SGCD: variants seen among roughly 807,000 people sequenced by gnomAD.
The protein encoded by SGCD is sarcoglycan delta, also known as delta-sarcoglycan.
SGCD carries 18 observed loss-of-function variants against 36.6 expected under a neutral mutation model. The ratio of observed to expected loss-of-function variants is 0.49; its 90% CI spans 0.34 to 0.73. The LOEUF (loss-of-function observed/expected upper bound fraction) is 0.73, where lower values mean the gene tolerates loss of function less well. Among genes scored for constraint, SGCD ranks in the 30% least tolerant of loss-of-function variants. The probability of loss-of-function intolerance (pLI) is 0.01; values close to 1 mark genes in which losing one functional copy is unlikely to be tolerated. For synonymous variants in SGCD, 133 were observed against 130.6 expected (o/e 1.02, Z -0.12); for missense variants, 387 against 346.7 (o/e 1.12, Z -0.92).
chr5:155,729,447 G>A, the SGCD span, among the ~76,000 whole-genome samples: 3 of 152,268 alleles, frequency 2.0e-5, no homozygotes, highest in Non-Finnish European at 4.4e-5. Flanking sequence ...CAGAGAAAGA[G>A]ACAGAGAGAC....
chr5:156,652,090 C>T (rs965633036), intron 7 of SGCD, among the ~76,000 whole-genome samples: 9 of 152,152 alleles, frequency 5.9e-5, no homozygotes, highest in African/African-American at 2.2e-4. Context: ...TATAGAAATG[C>T]TATTGATTTT....
At chr5:155,757,549 C>T in the SGCD span, among the ~76,000 whole-genome samples, 2 of 152,230 alleles carry the variant, frequency 1.3e-5, no homozygotes, top group South Asian at 2.1e-4. Context: ...GCAGGATGAT[C>T]GACCCAAGGG....
chr5:156,580,971 G>A (rs994409822), intron 4 of SGCD, among the ~76,000 whole-genome samples: 3 of 152,302 alleles, frequency 2.0e-5, no homozygotes, highest in African/African-American at 7.2e-5. Context: ...TCCTTTGGAG[G>A]AGAAGAGGTG....
chr5:156,240,496 A>G (rs1160459973), intron 3 of SGCD, among the ~76,000 whole-genome samples: 3 of 152,142 alleles, frequency 2.0e-5, no homozygotes, highest in African/African-American at 7.2e-5. Context: ...TAAAAACAAG[A>G]TATAGTTCAG....
chr5:156,368,838 G>A (rs1203124204), intron 3 of SGCD, among the ~76,000 whole-genome samples: 1 of 152,054 alleles, frequency 6.6e-6, no homozygotes, highest in Non-Finnish European at 1.5e-5. Flanking sequence ...ACAAGCTCAG[G>A]GCTCCCACTG....
chr5:156,686,398 T>C (rs1753905746), intron 7 of SGCD, among the ~76,000 whole-genome samples: 1 of 152,200 alleles, frequency 6.6e-6, no homozygotes, highest in Non-Finnish European at 1.5e-5. Flanking sequence ...GCAAAGCCAC[T>C]GTTCTCCTAC....
chr5:156,557,489 C>T (rs1436369345), intron 4 of SGCD, among the ~76,000 whole-genome samples: 1 of 152,076 alleles, frequency 6.6e-6, no homozygotes, highest in Non-Finnish European at 1.5e-5. Context: ...GGCTGTGGAC[C>T]AAATTCAGCC....
chr5:156,703,100 G>T (rs1343754823), intron 7 of SGCD, among the ~76,000 whole-genome samples: 2 of 152,210 alleles, frequency 1.3e-5, no homozygotes, highest in Non-Finnish European at 2.9e-5. Flanking sequence ...ACATGATGTT[G>T]CTTGCAATGC....
chr5:155,965,782 G>T (rs1260878255), intron 1 of SGCD, among the ~76,000 whole-genome samples: 1 of 152,016 alleles, frequency 6.6e-6, no homozygotes, highest in East Asian at 1.9e-4. Flanking sequence ...AATACGAAGG[G>T]CTCTAAAAGC....
At chr5:156,177,137 G>C (rs568780914) in intron 3 of SGCD, among the ~76,000 whole-genome samples, 2 of 152,166 alleles carry the variant, frequency 1.3e-5, no homozygotes, top group East Asian at 3.9e-4. Flanking sequence ...GAGTAGCTGG[G>C]ACTACAGGTA....
intron 6 of SGCD, among the ~76,000 whole-genome samples, chr5:156,643,831 G>A (rs1763130207): frequency 2.0e-5 from 3 of 151,868 alleles, no homozygotes. Flanking sequence ...TTATCATTCA[G>A]GTTATATATA....
At chr5:155,779,649 A>C in the SGCD span, among the ~76,000 whole-genome samples, 5 of 152,072 alleles carry the variant, frequency 3.3e-5, no homozygotes, top group Admixed American at 3.3e-4. Context: ...AATCTATGTG[A>C]GAAACTTTGT....
the SGCD span, among the ~76,000 whole-genome samples, chr5:155,808,893 A>G: frequency 5.3e-5 from 8 of 152,240 alleles, no homozygotes; most frequent in Non-Finnish European, 1.0e-4. Context: ...CTAGGTTTTT[A>G]ATGACGTGGT....
At chr5:155,962,610 A>C (rs1169204679) in intron 1 of SGCD, among the ~76,000 whole-genome samples, 1 of 152,128 alleles carries the variant, frequency 6.6e-6, no homozygotes. Context: ...GAGTGTGGCA[A>C]GACTGAAATA....
At chr5:156,107,497 T>C (rs1288997330) in intron 1 of SGCD, among the ~76,000 whole-genome samples, 1 of 152,170 alleles carries the variant, frequency 6.6e-6, no homozygotes, top group African/African-American at 2.4e-5. Context: ...AAAATATGCA[T>C]ATTGTTCTCT....
chr5:156,251,433 A>T (rs1335238815), intron 3 of SGCD, among the ~76,000 whole-genome samples: 2 of 152,174 alleles, frequency 1.3e-5, no homozygotes, highest in Non-Finnish European at 2.9e-5. Context: ...TGTGGATTTT[A>T]TACTCATAAA....
intron 3 of SGCD, among the ~76,000 whole-genome samples, chr5:156,144,208 G>A (rs10476299): frequency 0.049 from 7,385 of 152,064 alleles, 436 homozygotes; most frequent in East Asian, 0.14. Context: ...ACGTGTCCAT[G>A]TGTCTTTATA....
chr5:156,141,961 G>A (rs2127610715), intron 3 of SGCD, among the ~76,000 whole-genome samples: 1 of 152,272 alleles, frequency 6.6e-6, no homozygotes, highest in East Asian at 1.9e-4. Flanking sequence ...AGCCTGATAT[G>A]GTTTGGATCT....
At chr5:156,185,212 C>CT (rs755578762) in intron 3 of SGCD, among the ~76,000 whole-genome samples, 1,625 of 113,182 alleles carry the variant, frequency 0.014, 62 homozygotes, top group Admixed American at 0.088. Context: ...CTTTAATTTT[C>CT]TTTTTTTTTT....
Sources: allele counts gnomAD v4.1 joint callset (sites outside exome capture counted in the v4.1 genomes callset), GRCh38; gene constraint gnomAD v4.1.1; transcripts MANE v1.5; gene names NCBI Gene and HGNC (gene_info 2026-07-23, HGNC 2026-07-21).